Variants in JAKMIP3 observed in about 807,000 individuals in gnomAD.
JAKMIP3 encodes the protein Janus kinase and microtubule interacting protein 3, also known as janus kinase and microtubule-interacting protein 3.
JAKMIP3 carries 58 observed loss-of-function variants against 118.5 expected under a neutral mutation model. The observed-to-expected ratio is 0.49, with a 90% CI of 0.40 to 0.61. The LOEUF is 0.61. JAKMIP3 is among the 20% of genes least tolerant of loss of function. The probability of loss-of-function intolerance (pLI) is 0.00; values close to 1 mark genes in which losing one functional copy is unlikely to be tolerated. For missense variants in JAKMIP3, 950 were observed against 1,109.0 expected (o/e 0.86, Z 2.04); for synonymous variants, 486 against 451.2 (o/e 1.08, Z -0.98).
intron 2 of JAKMIP3, among the ~76,000 whole-genome samples, chr10:132,110,038 C>T (rs1475599740): frequency 6.6e-6 from 1 of 152,232 alleles, no homozygotes; most frequent in Admixed American, 6.5e-5. Flanking sequence ...CTGGAGCCTC[C>T]TATCTAATTT....
rs942482041 is a variant in JAKMIP3, at chr10:132,179,307, T to G, written c.*1104-3050T>G. On this transcript the variant is annotated intron_variant, in intron 23 of 23. Coordinates refer to ENST00000684848, the MANE Select transcript of JAKMIP3 (RefSeq NM_001323087.2). The surrounding 1 kb of genome is among the most constrained non-coding windows in gnomAD (Gnocchi z 4.3). ...GGGGCTGTATTTGTTGACGGGACTT[T>G]TGGGCTCCCCGGGCTCTGAGCTGGT... is the stretch of plus-strand genomic sequence containing the variant. Among the ~76,000 whole-genome samples the G allele has an allele frequency of 1.1e-4, 16 of 152,144 alleles. No homozygotes were observed. The highest frequency in any genetic ancestry group is 4.4e-5 in the Non-Finnish European group (3 of 68,024).
intron 23 of JAKMIP3, among the ~76,000 whole-genome samples, chr10:132,173,981 GGTCTGTGGTGT>G (rs1327205112): frequency 4.7e-5 from 7 of 148,050 alleles, no homozygotes; most frequent in African/African-American, 1.8e-4. Context: ...TGTCTCTGGT[GGTCTGTGGTGT>G]GTCTGTGGTA....
At chr10:132,131,222 G>A (rs1177520533) in intron 3 of JAKMIP3, among the ~76,000 whole-genome samples, 2 of 147,478 alleles carry the variant, frequency 1.4e-5, no homozygotes, top group African/African-American at 5.0e-5. Flanking sequence ...GAGTTCAGGG[G>A]ATGAAGAGTA....
intron 1 of JAKMIP3, among the ~76,000 whole-genome samples, chr10:132,051,269 C>T (rs2038097935): frequency 8.0e-6 from 1 of 125,568 alleles, no homozygotes; most frequent in African/African-American, 3.1e-5. Flanking sequence ...TCTTTCCTGG[C>T]ACGGTTGGTC....
intron 9 of JAKMIP3, among the ~76,000 whole-genome samples, chr10:132,139,891 A>C (rs1326905857): frequency 6.6e-6 from 1 of 152,040 alleles, no homozygotes; most frequent in Admixed American, 6.5e-5. Context: ...ATTTTGTAAC[A>C]CTTCTGAAGG....
At chr10:132,074,152 A>G (rs1284165377) in intron 1 of JAKMIP3, among the ~76,000 whole-genome samples, 1 of 152,190 alleles carries the variant, frequency 6.6e-6, no homozygotes, top group Non-Finnish European at 1.5e-5. Flanking sequence ...CCTGGGTTCA[A>G]GGGATTCTGC....
Position 132,145,505 on chromosome 10 carries a change from T to C in JAKMIP3, c.1687-13T>C. The C allele has an allele frequency of 6.4e-7, 1 of 1,552,634 alleles. No homozygotes were observed. Among genetic ancestry groups the C allele is most frequent in the South Asian group, 1.2e-5 (1 of 84,054 alleles). ...CCCTCAGTGTCTTTATTTCTTTCAATTCCATTTGCAAGGATATGAAGTGGA... is the reference window on the plus strand; with the variant it reads ...CCCTCAGTGTCTTTATTTCTTTCAACTCCATTTGCAAGGATATGAAGTGGA... On this transcript the variant is annotated splice_polypyrimidine_tract_variant and intron_variant, in intron 12 of 23. Transcript: ENST00000684848.
At chr10:132,177,934 G>C (rs982914791) in intron 23 of JAKMIP3, among the ~76,000 whole-genome samples, 6 of 148,434 alleles carry the variant, frequency 4.0e-5, no homozygotes, top group Admixed American at 6.7e-5. Flanking sequence ...GTGTGCACCT[G>C]CTCCTGTGCC....
intron 19 of JAKMIP3, 74 bp downstream of exon 19, chr10:132,154,064 GCAGTGCCTCAGGTGCC>G (rs1334316927): frequency 1.6e-5 from 22 of 1,396,562 alleles, no homozygotes; most frequent in Admixed American, 3.4e-5. Flanking sequence ...CAGGTGCCCA[GCAGTGCCTCAGGTGCC>G]CATGTGGGCC....
At chr10:132,110,501 T>A (rs9419204) in intron 2 of JAKMIP3, among the ~76,000 whole-genome samples, 1 of 152,156 alleles carries the variant, frequency 6.6e-6, no homozygotes, top group Non-Finnish European at 1.5e-5. Flanking sequence ...GTTTCTCTGC[T>A]GCGGTACTGG....
chr10:132,041,477 A>G (rs1232598845), intron 1 of JAKMIP3, among the ~76,000 whole-genome samples: 1 of 152,234 alleles, frequency 6.6e-6, no homozygotes, highest in Non-Finnish European at 1.5e-5. Flanking sequence ...GGACGGGCAC[A>G]GCGGTAAACA....
intron 1 of JAKMIP3, among the ~76,000 whole-genome samples, chr10:132,047,729 C>T (rs141126861): frequency 1.3e-5 from 2 of 151,316 alleles, no homozygotes; most frequent in East Asian, 1.9e-4. Flanking sequence ...GCGCCCCCAC[C>T]GCGCCACGAG....
At chr10:132,148,071 C>T in intron 14 of JAKMIP3, 21 bp downstream of exon 14, 1 of 1,508,686 alleles carries the variant, frequency 6.6e-7, no homozygotes, top group Non-Finnish European at 9.1e-7. Context: ...GGATGGCCAG[C>T]ACTGTGGCCT....
chr10:132,155,622 G>GTT (rs1223979001), intron 19 of JAKMIP3, among the ~76,000 whole-genome samples: 3 of 152,222 alleles, frequency 2.0e-5, no homozygotes, highest in South Asian at 2.1e-4. Flanking sequence ...GATGACCTGG[G>GTT]TTTGAGGCCC....
chr10:132,163,131 C>T (rs1044776636), intron 19 of JAKMIP3, 78 bp from the exon 20 acceptor site: 3 of 1,370,440 alleles, frequency 2.2e-6, no homozygotes, highest in Non-Finnish European at 3.0e-6. Flanking sequence ...CGGAGGGTGG[C>T]CCGGCCTCCG....
chr10:132,131,386 G>A (rs929761340), intron 3 of JAKMIP3, among the ~76,000 whole-genome samples: 2 of 151,270 alleles, frequency 1.3e-5, no homozygotes, highest in Non-Finnish European at 3.0e-5. Flanking sequence ...TGGGGTGCAG[G>A]TGTGAGGCCC....
intron 1 of JAKMIP3, among the ~76,000 whole-genome samples, chr10:132,045,022 A>G (rs1031374131): frequency 2.6e-5 from 4 of 152,116 alleles, no homozygotes; most frequent in Non-Finnish European, 5.9e-5. Flanking sequence ...TCCATGTTTC[A>G]GTCTTGCGAA....
Position 132,117,006 on chromosome 10 carries a change from A to G in JAKMIP3, c.136-71A>G, listed in dbSNP as rs1589851721. ...GTGTGCAACGTGGAAGCTCCCCCAA[A>G]TGCACATTCAGGTGTGAGTGTGTGC... On this transcript the variant is annotated intron_variant, in intron 2 of 23. Coordinates refer to ENST00000684848, the MANE Select transcript of JAKMIP3 (RefSeq NM_001323087.2). This position sits in a 1 kb window ranked among gnomAD's most constrained non-coding sequence, Gnocchi z 8.6. 12 of 1,519,296 alleles carry G rather than the reference A, an allele frequency of 7.9e-6. No individual in the cohort carries two copies. In the East Asian group the frequency reaches 2.7e-4, roughly 35 times the overall value. 94.1% of individuals were successfully genotyped at this position (1,519,296 alleles called of 1,614,324 possible).
At chr10:132,156,151 C>T (rs768785589) in intron 19 of JAKMIP3, among the ~76,000 whole-genome samples, 1 of 152,218 alleles carries the variant, frequency 6.6e-6, no homozygotes, top group Non-Finnish European at 1.5e-5. Flanking sequence ...GCTGCCCTTA[C>T]TGGAGAGACC....
Sources: allele counts gnomAD v4.1 joint callset (sites outside exome capture counted in the v4.1 genomes callset), GRCh38; gene constraint gnomAD v4.1.1; non-coding constraint Gnocchi (gnomAD v3.1); transcripts MANE v1.5; gene names NCBI Gene and HGNC (gene_info 2026-07-23, HGNC 2026-07-21).